The following FBXO25 variants were observed in gnomAD, a reference collection of about 807,000 sequenced individuals.
FBXO25 encodes the protein F-box only protein 25.
Under a neutral mutation model 51.9 loss-of-function variants are expected in FBXO25, and 45 were observed. The observed-to-expected ratio is 0.87, with a 90% CI of 0.68 to 1.11. The LOEUF is 1.11. Ranked by LOEUF, FBXO25 falls within the 50% of genes most tolerant of loss-of-function variation. FBXO25 has a pLI of 0.00. For synonymous variants in FBXO25, 199 were observed against 151.0 expected (o/e 1.32, Z -2.33); for missense variants, 507 against 428.5 (o/e 1.18, Z -1.62).
intron 4 of FBXO25, among the ~76,000 whole-genome samples, chr8:434,001 C>G (rs1797964172): frequency 6.6e-6 from 1 of 152,158 alleles, no homozygotes; most frequent in Non-Finnish European, 1.5e-5. Context: ...TGCTCTGTTG[C>G]CATACTGATT....
At chr8:454,897 AG>A (rs1174050153) in intron 7 of FBXO25, among the ~76,000 whole-genome samples, 2,545 of 146,932 alleles carry the variant, frequency 0.017, 197 homozygotes, top group African/African-American at 0.039. Context: ...TCTCAAAAAA[AG>A]AAAAAGAAAA....
At chr8:447,322 C>A (rs1160344880) in intron 5 of FBXO25, among the ~76,000 whole-genome samples, 1 of 152,068 alleles carries the variant, frequency 6.6e-6, no homozygotes, top group Non-Finnish European at 1.5e-5. Flanking sequence ...CTTCCCCCAA[C>A]CCTGAGGGCA....
chr8:442,231 G>A (rs1436585725), intron 5 of FBXO25, among the ~76,000 whole-genome samples: 1 of 151,870 alleles, frequency 6.6e-6, no homozygotes, highest in Non-Finnish European at 1.5e-5. Context: ...ATGAATGAGT[G>A]ACTGAGCATA....
At position 422,147 on chromosome 8, in the gene FBXO25, A is replaced by G. The variant is rs73669376; in HGVS notation, c.134+8934A>G. 4.3e-3 allele frequency among the ~76,000 whole-genome samples: 650 copies of G among 152,328 alleles called. 1 individual carries two copies. Among genetic ancestry groups the G allele is most frequent in the African/African-American group, 0.015 (625 of 41,578 alleles). On this transcript the variant is annotated intron_variant, in intron 2 of 9. Coordinates refer to ENST00000350302, the MANE Select transcript of FBXO25 (RefSeq NM_183420.2). ...AATTAGGAGAAATAGAATATCTGCC[A>G]AGTCTCCCCCCAAATAGCTATTCAT...
In FBXO25 at chr8:470,086, T is replaced by C. The variant is rs1800431677; in HGVS notation, c.*1282T>C. Reference sequence around the variant, plus strand: ...AACGCCCCCCGTCCCGACCCTGCCTTTTTTTAGAAACGTAGAACCATATCC... The same window carrying C: ...AACGCCCCCCGTCCCGACCCTGCCTCTTTTTAGAAACGTAGAACCATATCC... On this transcript the variant is annotated 3_prime_UTR_variant, in exon 10 of 10. Transcript: ENST00000350302. 1.5e-5 allele frequency: 1 copy of C among 68,696 alleles called. No homozygotes were observed. Among genetic ancestry groups the C allele is most frequent in the Admixed American group, 1.3e-4 (1 of 7,544 alleles). 4.3% of individuals were successfully genotyped at this position (68,696 alleles called of 1,614,324 possible).
At chr8:454,145 C>G (rs981669857) in intron 7 of FBXO25, among the ~76,000 whole-genome samples, 1 of 152,178 alleles carries the variant, frequency 6.6e-6, no homozygotes, top group African/African-American at 2.4e-5. Context: ...TACCTCGACA[C>G]CCCTTAAATC....
At chr8:431,746 C>T (rs1264512139) in intron 3 of FBXO25, among the ~76,000 whole-genome samples, 1 of 152,152 alleles carries the variant, frequency 6.6e-6, no homozygotes, top group African/African-American at 2.4e-5. Flanking sequence ...TGAGAGGTGT[C>T]CTGACTTGAG....
chr8:427,093 C>T (rs1204755121), intron 2 of FBXO25, among the ~76,000 whole-genome samples: 2 of 151,902 alleles, frequency 1.3e-5, no homozygotes, highest in Admixed American at 1.3e-4. Context: ...ATAATACGAC[C>T]TGATTGGAAA....
In FBXO25 at chr8:450,211, A is replaced by G. The variant is rs568283022; in HGVS notation, c.475+128A>G. 3 of 550,806 alleles carry G rather than the reference A, an allele frequency of 5.4e-6. No homozygotes were observed. In the East Asian group the frequency reaches 9.7e-5, roughly 18 times the overall value. 34.1% of individuals were successfully genotyped at this position (550,806 alleles called of 1,614,324 possible). ...AAAACAATTGTGTAAATAATGTGAT[A>G]ACATCAGAAATACAGGTCATCCTTC... is the stretch of plus-strand genomic sequence containing the variant. On this transcript the variant is annotated intron_variant, in intron 6 of 9. Coordinates refer to ENST00000350302, the MANE Select transcript of FBXO25 (RefSeq NM_183420.2).
intron 5 of FBXO25, among the ~76,000 whole-genome samples, chr8:442,803 A>T (rs1358886876): frequency 6.6e-6 from 1 of 152,154 alleles, no homozygotes; most frequent in South Asian, 2.1e-4. Flanking sequence ...CTACACAAAG[A>T]TATCTTCTAA....
chr8:449,491 G>A (rs1585071932), intron 5 of FBXO25, among the ~76,000 whole-genome samples: 1 of 152,168 alleles, frequency 6.6e-6, no homozygotes, highest in South Asian at 2.1e-4. Flanking sequence ...AATACAAAAT[G>A]GTATTTAACA....
chr8:424,736 C>T (rs1441384219), intron 2 of FBXO25, among the ~76,000 whole-genome samples: 1 of 152,040 alleles, frequency 6.6e-6, no homozygotes, highest in Non-Finnish European at 1.5e-5. Flanking sequence ...GTTTTTGTAC[C>T]AGTACAGAAG....
At chr8:462,378 A>T (rs867365765) in intron 8 of FBXO25, among the ~76,000 whole-genome samples, 41 of 152,278 alleles carry the variant, frequency 2.7e-4, no homozygotes, top group African/African-American at 9.6e-4. Context: ...TATTCTAGAT[A>T]TAAGTCTGTT....
chr8:425,998 C>T (rs1797451904), intron 2 of FBXO25, among the ~76,000 whole-genome samples: 1 of 151,950 alleles, frequency 6.6e-6, no homozygotes, highest in African/African-American at 2.4e-5. Flanking sequence ...CTGATGGACA[C>T]CCCAGTCCCA....
At chr8:420,328 C>T (rs920570229) in intron 2 of FBXO25, 9 of 152,218 alleles carry the variant, frequency 5.9e-5, no homozygotes, top group Non-Finnish European at 1.3e-4. Context: ...GGAATATGCT[C>T]TCCAACCCTG....
intron 5 of FBXO25, among the ~76,000 whole-genome samples, chr8:449,653 G>A (rs986551547): frequency 6.6e-6 from 1 of 152,144 alleles, no homozygotes; most frequent in Non-Finnish European, 1.5e-5. Flanking sequence ...TCTTTCTGGT[G>A]TGCCCTTTTG....
rs565826853 is a variant in FBXO25 at position 453,741 on chromosome 8, C to T, written c.660+2288C>T. On this transcript the variant is annotated intron_variant, in intron 7 of 9. Transcript: ENST00000350302. The stretch of plus-strand genomic sequence containing the variant: ...AGTCCAAGCACACCGCCTGAAGTTC[C>T]GCCATGTCAGCCTCAGGATATAGGG... Among the ~76,000 whole-genome samples, 63 of 152,262 alleles carry T rather than the reference C, an allele frequency of 4.1e-4. 1 individual carries two copies. The highest frequency in any genetic ancestry group is 1.5e-3 in the African/African-American group (61 of 41,540).
chr8:427,206 C>T (rs1420852880), intron 2 of FBXO25, among the ~76,000 whole-genome samples: 1 of 152,010 alleles, frequency 6.6e-6, no homozygotes, highest in East Asian at 1.9e-4. Flanking sequence ...TAGCTCCCTT[C>T]CGGGGAGGAG....
At position 476,990 on chromosome 8, in the gene FBXO25, A is replaced by ACGTTT; in HGVS notation, c.*8187_*8188insGTTTC. On this transcript the variant is annotated 3_prime_UTR_variant, in exon 10 of 10. Coordinates refer to ENST00000350302, the MANE Select transcript of FBXO25 (RefSeq NM_183420.2). ...GACTGTACCTGTTTTTTTGTATATTACATTTTTCATTTACCACAAGATATT... is the reference window on the plus strand; with the variant it reads ...GACTGTACCTGTTTTTTTGTATATTACGTTTCATTTTTCATTTACCACAAGATATT... The ACGTTT allele has an allele frequency of 1.7e-5, 2 of 116,968 alleles. No homozygotes were observed. Among genetic ancestry groups the ACGTTT allele is most frequent in the Middle Eastern group, 4.3e-3 (1 of 234 alleles). The allele number at this position is 116,968 out of a possible 1,614,324, so 7.2% of individuals were successfully genotyped here.
Sources: gnomAD v4.1 joint callset for allele counts (sites outside exome capture counted in the v4.1 genomes callset) on GRCh38, gnomAD v4.1.1 for gene constraint, MANE v1.5 for transcripts, NCBI Gene and HGNC (gene_info 2026-07-23, HGNC 2026-07-21) for gene names.